Variants in TGM6 observed in about 807,000 individuals in gnomAD.
The protein encoded by TGM6 is protein-glutamine gamma-glutamyltransferase 6.
A neutral mutation model predicts 77.5 loss-of-function variants in TGM6; 74 were observed. That is an observed-to-expected ratio of 0.96 (90% confidence interval 0.79 to 1.16). The LOEUF is 1.16. Among genes scored for constraint, TGM6 ranks in the 50% most tolerant of loss-of-function variants. The pLI is 0.00. For synonymous variants in TGM6, 383 were observed against 378.9 expected, an observed-to-expected ratio of 1.01 and a Z score of -0.12; for missense variants, 968 against 940.2, an observed-to-expected ratio of 1.03 and a Z score of -0.39.
At chr20:2,394,383 G>C in intron 1 of TGM6, 69 bp from the exon 2 acceptor site, 1 of 1,552,072 alleles carries the variant, frequency 6.4e-7, no homozygotes, top group Non-Finnish European at 8.8e-7. Context: ...GAATGAATGG[G>C]AGGACAAGCT....
At position 2,430,448 on chromosome 20, in the gene TGM6, A is replaced by C; in HGVS notation, c.1681A>C (p.Lys561Gln). ...CCCACTTCTGCTTTCCCTTCCAGAG[A>C]AGAGAATCCCAATTACAATATCTTA... ...HAVRLGPQEE[K>Q]RIPITISYSK... The change falls in exon 11 of 13, where the codon AAG becomes CAG. Residue 561 changes from lysine (K) to glutamine (Q), a missense_variant and splice_region_variant. Physicochemically the swap from Lys to Gln is moderately conservative, Grantham distance 53. Coordinates refer to ENST00000202625, the MANE Select transcript of TGM6 (RefSeq NM_198994.3). 1 of 1,614,208 alleles carries C rather than the reference A, an allele frequency of 6.2e-7. No individual in the cohort carries two copies. Among genetic ancestry groups the C allele is most frequent in the East Asian group, 2.2e-5 (1 of 44,888 alleles).
Position 2,403,490 on chromosome 20 carries a change from G to A in TGM6, c.1083G>A (p.Glu361=). The A allele has an allele frequency of 1.2e-6, 2 of 1,614,160 alleles. No individual in the cohort carries two copies. Among genetic ancestry groups the A allele is most frequent in the Non-Finnish European group, 1.7e-6 (2 of 1,180,036 alleles). The change falls in exon 8 of 13, where the codon GAG becomes GAA. Residue 361 remains glutamate, a synonymous_variant. Transcript: ENST00000202625. ...GWQVLDATPQ[E]ESEGVFRCGP... ...AGGTTCTGGATGCCACCCCCCAGGA[G>A]GAGAGTGAAGGTACGCTCAATTGGG...
At position 2,397,773 on chromosome 20, in the gene TGM6, G is replaced by A. The variant is rs12106237; in HGVS notation, c.544-145G>A. 14 of 1,279,164 alleles carry A rather than the reference G, an allele frequency of 1.1e-5. 1 individual carries two copies. The South Asian group carries it at 1.2e-4, about 11-fold the overall frequency. The allele number at this position is 1,279,164 out of a possible 1,614,324, so 79.2% of individuals were successfully genotyped here. ...TTGAGGAAGGGTTTCCAAGACTAGG[G>A]GGTGCTCTGTGATGCCCCTGGTGGT... is the stretch of plus-strand genomic sequence containing the variant. On this transcript the variant is annotated intron_variant, in intron 4 of 12. Transcript: ENST00000202625.
chr20:2,408,069 G>A (rs532138451), intron 9 of TGM6, among the ~76,000 whole-genome samples: 1 of 152,310 alleles, frequency 6.6e-6, no homozygotes, highest in South Asian at 2.1e-4. Context: ...TTAGCCAGGA[G>A]ATGAAAGGTT....
chr20:2,396,720 G>C, intron 4 of TGM6, 96 bp downstream of exon 4: 2 of 1,136,466 alleles, frequency 1.8e-6, no homozygotes, highest in Admixed American at 1.9e-5. Flanking sequence ...TCTCAGGAGG[G>C]ACAAGGGGGG....
intron 10 of TGM6, among the ~76,000 whole-genome samples, chr20:2,420,105 C>T (rs953422724): frequency 6.6e-6 from 1 of 152,050 alleles, no homozygotes; most frequent in Admixed American, 6.6e-5. Flanking sequence ...ATTAGCCGGG[C>T]GTGGCGGCAT....
intron 1 of TGM6, among the ~76,000 whole-genome samples, chr20:2,390,327 G>A (rs1006310143): frequency 3.9e-5 from 6 of 152,116 alleles, no homozygotes; most frequent in African/African-American, 1.2e-4. Flanking sequence ...ATGTATGTTC[G>A]CAGGCATATG....
intron 1 of TGM6, among the ~76,000 whole-genome samples, chr20:2,388,626 AAC>A (rs890643877): frequency 2.4e-4 from 36 of 150,784 alleles, no homozygotes; most frequent in Non-Finnish European, 4.4e-5. Context: ...CAAACAAACA[AAC>A]AAAAAAAAAC....
chr20:2,417,348 G>A lies in TGM6; in HGVS notation c.1453G>A (p.Asp485Asn), dbSNP rs865986592. ...TGGGGGTCGCTGTCTCTGGCGTGAC[G>A]ACCTCCTGGAGCCTGCCACCAAGCC... ...RAGGRCLWRD[D>N]LLEPATKPSI... is the part of the protein sequence containing the mutation. Residue 485 changes from aspartate to asparagine, a missense_variant, in exon 10 of 13, where the codon GAC (aspartate) becomes AAC (asparagine). Asp to Asn is a conservative substitution (Grantham distance 23). Coordinates refer to ENST00000202625, the MANE Select transcript of TGM6 (RefSeq NM_198994.3). 8 of 1,613,902 alleles carry A rather than the reference G, an allele frequency of 5.0e-6. No individual in the cohort carries two copies. The Admixed American group carries it at 5.0e-5, about 10-fold the overall frequency.
intron 1 of TGM6, among the ~76,000 whole-genome samples, chr20:2,393,638 A>G (rs987727213): frequency 1.3e-5 from 2 of 151,974 alleles, no homozygotes; most frequent in East Asian, 3.9e-4. Flanking sequence ...GGTTCAAGCG[A>G]TTCTCCTGCT....
chr20:2,430,757 A>G, intron 11 of TGM6, 137 bp from the exon 12 acceptor site: 1 of 1,582,406 alleles, frequency 6.3e-7, no homozygotes, highest in Non-Finnish European at 8.7e-7. Context: ...TGGGTGCAAT[A>G]GTGGCACTCA....
intron 1 of TGM6, among the ~76,000 whole-genome samples, chr20:2,390,888 C>A (rs559968178): frequency 6.6e-6 from 1 of 151,990 alleles, no homozygotes; most frequent in East Asian, 1.9e-4. Flanking sequence ...GAAGAGGGAG[C>A]CTGTCTGCAG....
In TGM6 at chr20:2,397,953, C is replaced by A. The variant is rs762890914; in HGVS notation, c.579C>A (p.Ile193=). 6.2e-7 allele frequency: 1 copy of A among 1,614,126 alleles called. No homozygotes were observed. Among genetic ancestry groups the A allele is most frequent in the Admixed American group, 1.7e-5 (1 of 60,016 alleles). The change falls in exon 5 of 13, where the codon ATC becomes ATA. Residue 193 remains isoleucine (I), a synonymous_variant. Transcript: ENST00000202625. ...ACATCCTGAACATCTGCCTCTCCAT[C>A]CTGGATCGAAGCCCCGGTCACCAAA... The part of the protein sequence containing the change: ...EEDILNICLS[I]LDRSPGHQNN...
chr20:2,416,751 A>G (rs755854864), intron 9 of TGM6, among the ~76,000 whole-genome samples: 12 of 152,142 alleles, frequency 7.9e-5, no homozygotes, highest in Non-Finnish European at 1.5e-4. Context: ...CCTCAAGACC[A>G]TTATTGCCAT....
intron 9 of TGM6, among the ~76,000 whole-genome samples, chr20:2,404,539 G>A (rs1401762405): frequency 2.6e-5 from 4 of 152,108 alleles, no homozygotes; most frequent in Non-Finnish European, 5.9e-5. Context: ...AGCTAGAGCA[G>A]TGACCCTGGA....
At chr20:2,407,930 C>A (rs1207015466) in intron 9 of TGM6, among the ~76,000 whole-genome samples, 1 of 152,134 alleles carries the variant, frequency 6.6e-6, no homozygotes, top group Non-Finnish European at 1.5e-5. Flanking sequence ...CAGAATAATT[C>A]GGAGTGACTG....
At chr20:2,401,201 T>C (rs2422774) in intron 7 of TGM6, among the ~76,000 whole-genome samples, 116,531 of 149,036 alleles carry the variant, frequency 0.78, 45,653 homozygotes, top group Non-Finnish European at 0.85. Context: ...GAGTGAGACT[T>C]CGTCTCAAAA....
At chr20:2,419,744 T>G (rs1173648203) in intron 10 of TGM6, among the ~76,000 whole-genome samples, 1 of 152,224 alleles carries the variant, frequency 6.6e-6, no homozygotes, top group Non-Finnish European at 1.5e-5. Flanking sequence ...AATAGATATT[T>G]AAATAAATAG....
intron 9 of TGM6, among the ~76,000 whole-genome samples, chr20:2,414,748 C>T (rs1388767402): frequency 6.6e-6 from 1 of 152,106 alleles, no homozygotes; most frequent in Non-Finnish European, 1.5e-5. Context: ...ATACATGCTA[C>T]CTACAGTGTG....
Sources: gnomAD v4.1 joint callset for allele counts (sites outside exome capture counted in the v4.1 genomes callset) on GRCh38, gnomAD v4.1.1 for gene constraint, MANE v1.5 for transcripts, NCBI Gene and HGNC (gene_info 2026-07-23, HGNC 2026-07-21) for gene names.